The following EIF4G3 variants were observed in gnomAD, a reference collection of about 807,000 sequenced individuals.
EIF4G3 encodes eIF-4-gamma 3.
In EIF4G3, 34 loss-of-function variants were observed where a neutral mutation model predicts 186.4. That is an observed-to-expected ratio of 0.18 (90% CI 0.14 to 0.24). The LOEUF (loss-of-function observed/expected upper bound fraction) is 0.24, where lower values mean the gene tolerates loss of function less well. Among genes scored for constraint, EIF4G3 ranks in the 10% least tolerant of loss-of-function variants. The pLI, the probability that EIF4G3 is intolerant of heterozygous loss-of-function variation, is 1.00. For missense variants in EIF4G3, 1,536 were observed against 1,948.5 expected (o/e 0.79, Z 3.99); for synonymous variants, 673 against 679.5 (o/e 0.99, Z 0.15).
Position 20,860,371 on chromosome 1 carries a change from G to A in EIF4G3, c.3244+14C>T, listed in dbSNP as rs370317415. 1 of 1,613,614 alleles carries A rather than the reference G, an allele frequency of 6.2e-7. No individual in the cohort carries two copies. Among genetic ancestry groups the A allele is most frequent in the Non-Finnish European group, 8.5e-7 (1 of 1,179,866 alleles). On this transcript the variant is annotated intron_variant, in intron 24 of 36. Transcript: ENST00000602326. Reference sequence around the variant, plus strand: ...CTTCCAAGTTCTCTAAACCCTGGTGGATTCCGGCCTCACCTGGTCTTCTCT... The same window carrying A: ...CTTCCAAGTTCTCTAAACCCTGGTGAATTCCGGCCTCACCTGGTCTTCTCT...
chr1:21,130,216 CTTTTTTTTTTT>C (rs71014159), intron 2 of EIF4G3, among the ~76,000 whole-genome samples: 7 of 75,352 alleles, frequency 9.3e-5, no homozygotes, highest in Admixed American at 1.9e-4. Context: ...GACCCCATCT[CTTTTTTTTTTT>C]TTTTTTTTTT....
intron 22 of EIF4G3, among the ~76,000 whole-genome samples, chr1:20,863,295 G>A (rs1296528423): frequency 1.3e-5 from 2 of 150,624 alleles, no homozygotes; most frequent in Non-Finnish European, 2.9e-5. Flanking sequence ...CAATTAGGGA[G>A]GCCAAGGCAA....
intron 3 of EIF4G3, among the ~76,000 whole-genome samples, chr1:21,068,836 TG>T (rs1282190945): frequency 4.6e-5 from 7 of 152,170 alleles, no homozygotes; most frequent in African/African-American, 7.2e-5. Flanking sequence ...GAACCAGAAA[TG>T]TTTCAGATTT....
intron 2 of EIF4G3, among the ~76,000 whole-genome samples, chr1:21,154,796 G>T (rs184845372): frequency 4.3e-3 from 647 of 152,142 alleles, no homozygotes; most frequent in Non-Finnish European, 6.7e-3. Flanking sequence ...TATCTCTTTA[G>T]CAGTATGATA....
intron 2 of EIF4G3, among the ~76,000 whole-genome samples, chr1:21,141,228 G>C (rs72975075): frequency 9.9e-5 from 15 of 152,118 alleles, no homozygotes; most frequent in African/African-American, 3.6e-4. Context: ...ACTCCAACTG[G>C]GGCTCTTAAC....
intron 4 of EIF4G3, among the ~76,000 whole-genome samples, chr1:21,035,450 T>C (rs2093109191): frequency 6.6e-6 from 1 of 152,140 alleles, no homozygotes; most frequent in African/African-American, 2.4e-5. Flanking sequence ...AGAGCCCCTG[T>C]CACCACAGGC....
intron 2 of EIF4G3, among the ~76,000 whole-genome samples, chr1:21,119,837 A>G (rs1488896668): frequency 6.6e-6 from 1 of 152,096 alleles, no homozygotes; most frequent in Non-Finnish European, 1.5e-5. Context: ...ACCACTATCA[A>G]GTTTCTTAAG....
chr1:21,006,735 A>G (rs553854451), intron 4 of EIF4G3, among the ~76,000 whole-genome samples: 1 of 152,334 alleles, frequency 6.6e-6, no homozygotes, highest in South Asian at 2.1e-4. Flanking sequence ...CCACAGGCAG[A>G]AATGGTGAAT....
intron 2 of EIF4G3, among the ~76,000 whole-genome samples, chr1:21,128,075 C>T (rs1242844818): frequency 6.6e-6 from 1 of 151,748 alleles, no homozygotes; most frequent in African/African-American, 2.4e-5. Context: ...GGCGTGGTGG[C>T]GGGCGCCTGT....
At chr1:21,153,610 C>T (rs1054043125) in intron 2 of EIF4G3, among the ~76,000 whole-genome samples, 1 of 152,104 alleles carries the variant, frequency 6.6e-6, no homozygotes, top group East Asian at 1.9e-4. Context: ...GCCCAGGCTG[C>T]AGTGCAATGA....
chr1:21,160,995 ACC>A (rs942216058), intron 2 of EIF4G3, among the ~76,000 whole-genome samples: 1 of 151,998 alleles, frequency 6.6e-6, no homozygotes, highest in African/African-American at 2.4e-5. Flanking sequence ...ACATGGTGAA[ACC>A]CCGTCTCTAA....
intron 2 of EIF4G3, among the ~76,000 whole-genome samples, chr1:21,159,005 GAAA>G (rs139294021): frequency 6.7e-6 from 1 of 149,966 alleles, no homozygotes; most frequent in African/African-American, 2.4e-5. Context: ...AGAAAAAAAA[GAAA>G]AAAAAACCTT....
chr1:20,979,046 C>G (rs980898773), intron 10 of EIF4G3, among the ~76,000 whole-genome samples: 4 of 151,980 alleles, frequency 2.6e-5, no homozygotes, highest in African/African-American at 4.8e-5. Context: ...TAAGTTTTTG[C>G]TTTGTTGGTT....
At chr1:21,024,143 A>G (rs1321026028) in intron 4 of EIF4G3, among the ~76,000 whole-genome samples, 3 of 148,880 alleles carry the variant, frequency 2.0e-5, no homozygotes, top group African/African-American at 7.3e-5. Flanking sequence ...TCCGCCCGGC[A>G]GTCACCCCGT....
At chr1:20,850,951 A>G (rs1336795553) in intron 28 of EIF4G3, among the ~76,000 whole-genome samples, 3 of 152,232 alleles carry the variant, frequency 2.0e-5, no homozygotes, top group African/African-American at 7.2e-5. Context: ...ACACAATCTA[A>G]CAGCAACGTC....
chr1:20,915,242 T>TC (rs1417412377), intron 14 of EIF4G3, among the ~76,000 whole-genome samples: 1 of 152,148 alleles, frequency 6.6e-6, no homozygotes, highest in Non-Finnish European at 1.5e-5. Flanking sequence ...AGAATCTATT[T>TC]CCTTGTCTTT....
intron 14 of EIF4G3, among the ~76,000 whole-genome samples, chr1:20,925,925 T>C (rs1270753064): frequency 6.6e-6 from 1 of 152,206 alleles, no homozygotes; most frequent in Non-Finnish European, 1.5e-5. Flanking sequence ...GAGAGAGGTA[T>C]TAACTAATGA....
chr1:21,120,701 T>G (rs2096911484), intron 2 of EIF4G3, among the ~76,000 whole-genome samples: 1 of 151,768 alleles, frequency 6.6e-6, no homozygotes, highest in South Asian at 2.1e-4. Flanking sequence ...AGATCCAAGA[T>G]ACCAGTTATA....
chr1:20,932,961 G>T (rs2095383001), intron 14 of EIF4G3, among the ~76,000 whole-genome samples: 1 of 152,104 alleles, frequency 6.6e-6, no homozygotes, highest in African/African-American at 2.4e-5. Flanking sequence ...AATGAGGTAT[G>T]CCCGTATACT....
Sources: gnomAD v4.1 joint callset for allele counts (sites outside exome capture counted in the v4.1 genomes callset) on GRCh38, gnomAD v4.1.1 for gene constraint, MANE v1.5 for transcripts, NCBI Gene and HGNC (gene_info 2026-07-23, HGNC 2026-07-21) for gene names.